SCEL: variants seen among roughly 807,000 people sequenced by gnomAD.
The protein encoded by SCEL is sciellin.
Under a neutral mutation model 117.6 loss-of-function variants are expected in SCEL, and 113 were observed. The observed-to-expected ratio is 0.96, with a 90% confidence interval of 0.83 to 1.12. SCEL has a LOEUF of 1.12. Among genes scored for constraint, SCEL ranks in the 50% most tolerant of loss-of-function variants. The pLI is 0.00. For synonymous variants in SCEL, 270 were observed against 256.2 expected (o/e 1.05, Z -0.51); for missense variants, 785 against 810.8 (o/e 0.97, Z 0.39).
At chr13:77,576,250 A>G (rs1003402757) in intron 9 of SCEL, among the ~76,000 whole-genome samples, 7 of 152,072 alleles carry the variant, frequency 4.6e-5, no homozygotes, top group African/African-American at 1.7e-4. Context: ...TGACCCTTCA[A>G]AGGGCACCAC....
At chr13:77,620,998 TAATC>T (rs2089381269) in intron 27 of SCEL, among the ~76,000 whole-genome samples, 1 of 152,118 alleles carries the variant, frequency 6.6e-6, no homozygotes, top group African/African-American at 2.4e-5. Flanking sequence ...TCATTCCCCA[TAATC>T]AATCAATCAG....
chr13:77,540,356 T>G (rs1365823065), intron 1 of SCEL, among the ~76,000 whole-genome samples: 1 of 152,036 alleles, frequency 6.6e-6, no homozygotes, highest in Non-Finnish European at 1.5e-5. Context: ...TGTGAGTATG[T>G]GTGTATACTT....
chr13:77,642,706 T>A lies in SCEL; in HGVS notation c.1948T>A (p.Cys650Ser), dbSNP rs565012748. The change falls in exon 32 of 33, where the codon TGT becomes AGT. Residue 650 changes from cysteine (C) to serine (S), a missense_variant and splice_region_variant. Transcript: ENST00000349847. ...TTTATATATGTATTTTTTTCTTTAG[T>A]GTGAAATATGCAAGCAGCCTTTGGA... Reference protein sequence around the residue: ...QICCHSTCFKCEICKQPLENL... With the variant: ...QICCHSTCFKSEICKQPLENL... 6.4e-7 allele frequency: 1 copy of A among 1,551,418 alleles called. No individual in the cohort carries two copies. Among genetic ancestry groups the A allele is most frequent in the Admixed American group, 1.8e-5 (1 of 54,570 alleles).
rs1383549965 is a variant in SCEL at position 77,589,277 on chromosome 13, A to G, written c.626+53A>G. ...GACAAAATGAAGTTCAAGGGAAATG[A>G]AAGTAAATGGACTGTGACCCGCTGT... is the stretch of plus-strand genomic sequence containing the variant. On this transcript the variant is annotated intron_variant, in intron 10 of 32. Coordinates refer to ENST00000349847, the MANE Select transcript of SCEL (RefSeq NM_144777.3). The G allele has an allele frequency of 1.7e-5, 23 of 1,352,430 alleles. No homozygotes were observed. In the East Asian group the frequency reaches 5.3e-4, roughly 31 times the overall value. 83.8% of individuals were successfully genotyped at this position (1,352,430 alleles called of 1,614,324 possible).
chr13:77,632,219 G>A (rs918775182), intron 28 of SCEL, among the ~76,000 whole-genome samples: 1 of 152,202 alleles, frequency 6.6e-6, no homozygotes, highest in Non-Finnish European at 1.5e-5. Context: ...AGTACTGTTG[G>A]CAAATCACTT....
In SCEL at chr13:77,563,731, G is replaced by A. The variant is rs1381390538; in HGVS notation, c.222-100G>A. On this transcript the variant is annotated intron_variant, in intron 4 of 32. Transcript: ENST00000349847. ...CTTGGTAACATGTATATTTCCTACT[G>A]AAATAGGTCAAAATATTGCCATATG... is the stretch of plus-strand genomic sequence containing the variant. The A allele has an allele frequency of 3.6e-6, 3 of 822,378 alleles. No individual in the cohort carries two copies. In the East Asian group the frequency reaches 8.1e-5, roughly 22 times the overall value. The allele number at this position is 822,378 out of a possible 1,614,324, so 50.9% of individuals were successfully genotyped here. A position where few individuals can be genotyped will look rare whatever the true frequency, so the allele number is the denominator to read the frequency against.
chr13:77,572,626 A>G (rs764406481), intron 9 of SCEL, among the ~76,000 whole-genome samples: 31 of 152,228 alleles, frequency 2.0e-4, no homozygotes, highest in Non-Finnish European at 4.1e-4. Flanking sequence ...AATCATTGAC[A>G]TTGCCCAGTT....
At position 77,618,072 on chromosome 13, in the gene SCEL, T is replaced by C. The variant is rs9574090; in HGVS notation, c.1628+12T>C. 0.69 allele frequency: 1,105,470 copies of C among 1,596,848 alleles called. 386,547 individuals carry two copies. Among genetic ancestry groups the C allele is most frequent in the South Asian group, 0.74 (67,054 of 90,740 alleles). On this transcript the variant is annotated intron_variant, in intron 27 of 32. Transcript: ENST00000349847. ...AGAAACACTAATCGGTAAATGACCT[T>C]GACTATCTTGACATGTTTACAAGTT...
intron 31 of SCEL, 28 bp downstream of exon 31, chr13:77,640,812 A>G: frequency 8.7e-7 from 1 of 1,150,912 alleles, no homozygotes; most frequent in South Asian, 1.4e-5. Flanking sequence ...TCACTTAATT[A>G]AATAAAAAAT....
At chr13:77,560,481 T>C (rs1433132647) in intron 4 of SCEL, among the ~76,000 whole-genome samples, 1 of 151,990 alleles carries the variant, frequency 6.6e-6, no homozygotes, top group African/African-American at 2.4e-5. Flanking sequence ...ATTACATATC[T>C]CTGAACCTTA....
At chr13:77,599,920 G>A (rs2154401308) in intron 15 of SCEL, 172 bp downstream of exon 15, 1 of 580,064 alleles carries the variant, frequency 1.7e-6, no homozygotes, top group East Asian at 2.8e-5. Context: ...ACATCAATCT[G>A]GGTGACCCTG....
intron 21 of SCEL, among the ~76,000 whole-genome samples, 165 bp from the exon 22 acceptor site, chr13:77,609,882 T>C (rs1195118177): frequency 1.3e-5 from 2 of 152,200 alleles, no homozygotes; most frequent in African/African-American, 4.8e-5. Flanking sequence ...TAGGTCCCTA[T>C]ATGTATATTC....
intron 19 of SCEL, among the ~76,000 whole-genome samples, chr13:77,607,828 G>C (rs1377756587): frequency 6.6e-6 from 1 of 152,182 alleles, no homozygotes; most frequent in Non-Finnish European, 1.5e-5. Context: ...AAATGGCTCT[G>C]AGACTAAAAT....
rs1002390209 is a variant in SCEL, at chr13:77,637,141, T to C, written c.1785T>C (p.Tyr595=). ...CTAGTAAATCACCCAAGGATGGATA[T>C]CAGGAGAATATCTCTGGAAAATACA... is the stretch of plus-strand genomic sequence containing the variant. ...VENSKSPKDG[Y]QENISGKYIQ... The change falls in exon 30 of 33, where the codon TAT becomes TAC. Residue 595 remains tyrosine, a synonymous_variant. Transcript: ENST00000349847. 14 of 1,555,866 alleles carry C rather than the reference T, an allele frequency of 9.0e-6. No homozygotes were observed. Among genetic ancestry groups the C allele is most frequent in the Non-Finnish European group, 1.2e-5 (14 of 1,149,744 alleles).
rs2087837128 is a variant in SCEL at position 77,603,089 on chromosome 13, G to C, written c.1051G>C (p.Asp351His). The C allele has an allele frequency of 6.4e-7, 1 of 1,554,162 alleles. No individual in the cohort carries two copies. Among genetic ancestry groups the C allele is most frequent in the East Asian group, 2.3e-5 (1 of 44,054 alleles). The change falls in exon 18 of 33, where the codon GAT (aspartate) becomes CAT (histidine). Residue 351 changes from aspartate (D) to histidine (H), a missense_variant. Transcript: ENST00000349847. ...TTTTTTTTAAAGAAGTGAAGACCTT[G>C]ATAATGCTACTGAAGTAAATCCCAA... ...NKTSRRSEDL[D>H]NATEVNPKGH... is the part of the protein sequence containing the mutation.
chr13:77,618,247 C>T (rs1018495673), intron 27 of SCEL, among the ~76,000 whole-genome samples, 187 bp downstream of exon 27: 1 of 152,046 alleles, frequency 6.6e-6, no homozygotes, highest in African/African-American at 2.4e-5. Context: ...GTAGCACAAT[C>T]ATAGCTCACT....
chr13:77,559,710 A>C, intron 3 of SCEL, 94 bp from the exon 4 acceptor site: 1 of 1,062,830 alleles, frequency 9.4e-7, no homozygotes, highest in Non-Finnish European at 1.4e-6. Context: ...ACCTTGCCAA[A>C]AATTGGGAGC....
chr13:77,602,238 TGACCCATCA>T lies in SCEL; in HGVS notation c.977+119_977+127del, dbSNP rs1320691817. The T allele has an allele frequency of 7.5e-5, 60 of 797,076 alleles. No homozygotes were observed. In the East Asian group the frequency reaches 1.3e-3, roughly 18 times the overall value. The allele number at this position is 797,076 out of a possible 1,614,324, so 49.4% of individuals were successfully genotyped here. ...GTGGCAGTGAACTCTTGTACTGCTTTGACCCATCAGACCTAGTAGGCAAAAGGAATATGT... is the reference window on the plus strand; with the variant it reads ...GTGGCAGTGAACTCTTGTACTGCTTTGACCTAGTAGGCAAAAGGAATATGT... On this transcript the variant is annotated intron_variant, in intron 16 of 32. Coordinates refer to ENST00000349847, the MANE Select transcript of SCEL (RefSeq NM_144777.3).
intron 14 of SCEL, 133 bp downstream of exon 14, chr13:77,599,521 A>C (rs1391421603): frequency 1.1e-6 from 1 of 878,702 alleles, no homozygotes; most frequent in Non-Finnish European, 1.8e-6. Flanking sequence ...TGCTCTCAGC[A>C]TTGTACATTT....
Sources: gnomAD v4.1 joint callset for allele counts (sites outside exome capture counted in the v4.1 genomes callset) on GRCh38, gnomAD v4.1.1 for gene constraint, MANE v1.5 for transcripts, NCBI Gene and HGNC (gene_info 2026-07-23, HGNC 2026-07-21) for gene names.